Variants in TPRG1 observed in about 807,000 individuals in gnomAD.
TPRG1 encodes tumor protein p63 regulated 1, also known as tumor protein p63-regulated gene 1 protein.
In TPRG1, 29 loss-of-function variants were observed where a neutral mutation model predicts 29.3. That is an observed-to-expected ratio of 0.99 (90% CI 0.74 to 1.35). TPRG1 has a LOEUF of 1.35. TPRG1 is among the 40% of genes most tolerant of loss of function. The pLI is 0.00. For missense variants in TPRG1, 327 were observed against 335.0 expected, an observed-to-expected ratio of 0.98 and a Z score of 0.19; for synonymous variants, 130 against 116.8, an observed-to-expected ratio of 1.11 and a Z score of -0.73.
chr3:189,137,158 T>C (rs1170856730), intron 3 of TPRG1, among the ~76,000 whole-genome samples: 1 of 152,210 alleles, frequency 6.6e-6, no homozygotes, highest in Non-Finnish European at 1.5e-5. Context: ...TTTGCAATCA[T>C]TGGGAAATCC....
chr3:189,095,692 G>T (rs552477103), upstream of TPRG1, among the ~76,000 whole-genome samples: 1 of 152,278 alleles, frequency 6.6e-6, no homozygotes, highest in East Asian at 1.9e-4. Context: ...TTGTTCATAA[G>T]TCTCTGCGGG....
intron 4 of TPRG1, among the ~76,000 whole-genome samples, chr3:189,038,220 G>A (rs912607391): frequency 1.9e-4 from 29 of 151,964 alleles, no homozygotes; most frequent in East Asian, 5.8e-4. Flanking sequence ...ACCATAAACC[G>A]TCCCTTATGG....
At chr3:189,119,898 C>T (rs772281541) in intron 1 of TPRG1, among the ~76,000 whole-genome samples, 15 of 152,086 alleles carry the variant, frequency 9.9e-5, no homozygotes, top group East Asian at 7.7e-4. Context: ...GTCTGTCCAC[C>T]GGAGCGCCTC....
chr3:189,039,075 A>T (rs1714467396), intron 4 of TPRG1, among the ~76,000 whole-genome samples: 1 of 152,242 alleles, frequency 6.6e-6, no homozygotes, highest in Admixed American at 6.5e-5. Flanking sequence ...ATGTATATAT[A>T]TACCCCTTGA....
chr3:189,220,998 A>C (rs976750760), intron 3 of TPRG1, among the ~76,000 whole-genome samples: 4 of 152,112 alleles, frequency 2.6e-5, no homozygotes, highest in African/African-American at 9.7e-5. Context: ...TCAATCATTC[A>C]CCTATTATCA....
chr3:189,293,495 G>A (rs1014710872), intron 4 of TPRG1, among the ~76,000 whole-genome samples: 4 of 152,104 alleles, frequency 2.6e-5, no homozygotes, highest in African/African-American at 7.2e-5. Flanking sequence ...AAGGTGCCAA[G>A]GATAGGTTTC....
chr3:188,999,165 G>T (rs904772536), intron 1 of TPRG1, among the ~76,000 whole-genome samples: 2 of 152,194 alleles, frequency 1.3e-5, no homozygotes, highest in African/African-American at 4.8e-5. Flanking sequence ...TCAGGGGAAC[G>T]TAAGAGCTGG....
At chr3:189,315,625 T>C (rs1723391810) in intron 5 of TPRG1, 1 of 385,728 alleles carries the variant, frequency 2.6e-6, no homozygotes. Context: ...TGTATTTCTA[T>C]CCATCTTTTC....
intron 4 of TPRG1, among the ~76,000 whole-genome samples, chr3:189,086,970 T>C (rs912590590): frequency 3.3e-5 from 5 of 152,210 alleles, no homozygotes; most frequent in African/African-American, 1.2e-4. Flanking sequence ...TAAACATACG[T>C]GTGCATGTGT....
intron 1 of TPRG1, among the ~76,000 whole-genome samples, chr3:189,178,985 G>C (rs965929096): frequency 2.6e-5 from 4 of 152,208 alleles, no homozygotes; most frequent in African/African-American, 9.6e-5. Flanking sequence ...ATTCTCCCAA[G>C]TAGTGTCAAC....
chr3:189,026,788 T>C (rs1383062526), intron 4 of TPRG1, among the ~76,000 whole-genome samples: 9 of 152,112 alleles, frequency 5.9e-5, no homozygotes. Context: ...GGAACGAAGC[T>C]GTGCTATAGA....
chr3:189,121,257 C>A (rs1039315032), intron 1 of TPRG1: 1 of 152,074 alleles, frequency 6.6e-6, no homozygotes, highest in Admixed American at 6.6e-5. Context: ...GAGACAATGC[C>A]CTGTTTTACC....
At chr3:189,297,981 G>A (rs1489707022) in intron 4 of TPRG1, among the ~76,000 whole-genome samples, 3 of 152,072 alleles carry the variant, frequency 2.0e-5, no homozygotes, top group Non-Finnish European at 2.9e-5. Context: ...GGGCCTGGGT[G>A]GAAATGCAAA....
chr3:189,316,857 C>A (rs1270208841), intron 5 of TPRG1, among the ~76,000 whole-genome samples: 1 of 152,144 alleles, frequency 6.6e-6, no homozygotes, highest in Non-Finnish European at 1.5e-5. Flanking sequence ...GTTCCTGTCA[C>A]ATAGATTTAG....
chr3:189,162,355 C>T (rs1008008218), intron 5 of TPRG1, among the ~76,000 whole-genome samples: 1 of 152,122 alleles, frequency 6.6e-6, no homozygotes, highest in Admixed American at 6.6e-5. Context: ...TTGGGAAATG[C>T]TGACAGTTTA....
chr3:189,101,985 T>G (rs1578356740), intron 1 of TPRG1, among the ~76,000 whole-genome samples: 1 of 152,142 alleles, frequency 6.6e-6, no homozygotes, highest in East Asian at 1.9e-4. Flanking sequence ...ATAGAGGTAC[T>G]GAGTTGGGAT....
intron 3 of TPRG1, among the ~76,000 whole-genome samples, chr3:189,232,123 G>A (rs1360333163): frequency 6.6e-6 from 1 of 152,020 alleles, no homozygotes; most frequent in African/African-American, 2.4e-5. Flanking sequence ...TGGAACTCAT[G>A]GTAGGACTTT....
chr3:189,270,412 T>C (rs1714916054), intron 4 of TPRG1, among the ~76,000 whole-genome samples: 2 of 152,222 alleles, frequency 1.3e-5, no homozygotes, highest in South Asian at 2.1e-4. Flanking sequence ...CCTTGGGCAG[T>C]TGCTGGGTGG....
At chr3:189,116,752 A>G (rs1280768391) in intron 1 of TPRG1, among the ~76,000 whole-genome samples, 1 of 152,196 alleles carries the variant, frequency 6.6e-6, no homozygotes, top group Non-Finnish European at 1.5e-5. Context: ...ATAGAGATAG[A>G]AAGTGGAATG....
Sources: allele counts gnomAD v4.1 joint callset (sites outside exome capture counted in the v4.1 genomes callset), GRCh38; gene constraint gnomAD v4.1.1; transcripts MANE v1.5; gene names NCBI Gene and HGNC (gene_info 2026-07-23, HGNC 2026-07-21).